RFX4: variants seen among roughly 807,000 people sequenced by gnomAD.
RFX4 encodes the protein transcription factor RFX4.
Under a neutral mutation model 95.0 loss-of-function variants are expected in RFX4, and 10 were observed. The observed-to-expected ratio is 0.11, with a 90% confidence interval of 0.06 to 0.18. RFX4 has a LOEUF of 0.18. RFX4 is among the 10% of genes least tolerant of loss of function. The probability of loss-of-function intolerance (pLI) is 1.00; values close to 1 mark genes in which losing one functional copy is unlikely to be tolerated. For synonymous variants in RFX4, 321 were observed against 340.7 expected (o/e 0.94, Z 0.64); for missense variants, 640 against 922.0 (o/e 0.69, Z 3.96).
intron 3 of RFX4, among the ~76,000 whole-genome samples, chr12:106,640,461 G>A (rs777852848): frequency 1.3e-5 from 2 of 152,194 alleles, no homozygotes; most frequent in Admixed American, 6.5e-5. Context: ...ATTCAGGAAC[G>A]TAACTCAATC....
intron 17 of RFX4, 74 bp from the exon 18 acceptor site, chr12:106,761,122 TA>T: frequency 6.8e-7 from 1 of 1,466,832 alleles, no homozygotes; most frequent in Non-Finnish European, 9.3e-7. Flanking sequence ...ACTTAAACTA[TA>T]AACATGACTG....
At chr12:106,609,421 T>C (rs2039909644) in intron 2 of RFX4, among the ~76,000 whole-genome samples, 1 of 152,228 alleles carries the variant, frequency 6.6e-6, no homozygotes, top group South Asian at 2.1e-4. Flanking sequence ...TTAAGAGCAG[T>C]AGGCTACATG....
intron 2 of RFX4, among the ~76,000 whole-genome samples, chr12:106,632,612 G>A (rs2040437925): frequency 2.0e-5 from 3 of 152,186 alleles, no homozygotes; most frequent in Admixed American, 2.0e-4. Context: ...ATAGCATCCT[G>A]GACCTGCATT....
At chr12:106,626,881 T>C (rs961558755) in intron 2 of RFX4, among the ~76,000 whole-genome samples, 1 of 152,078 alleles carries the variant, frequency 6.6e-6, no homozygotes, top group African/African-American at 2.4e-5. Context: ...AATGACTCCA[T>C]CCTGTATCCT....
At chr12:106,649,879 T>C (rs75042154) in intron 3 of RFX4, among the ~76,000 whole-genome samples, 11,091 of 152,258 alleles carry the variant, frequency 0.073, 576 homozygotes, top group Middle Eastern at 0.18. Context: ...CCTGTCCTCC[T>C]CACATCTGGC....
At chr12:106,616,899 T>TAGA (rs2040084227) in intron 2 of RFX4, among the ~76,000 whole-genome samples, 1 of 151,970 alleles carries the variant, frequency 6.6e-6, no homozygotes, top group Non-Finnish European at 1.5e-5. Context: ...TAGCTGGGAC[T>TAGA]ACAGGTGTGC....
chr12:106,687,197 C>T, intron 6 of RFX4, 100 bp downstream of exon 6: 1 of 706,038 alleles, frequency 1.4e-6, no homozygotes, highest in Non-Finnish European at 2.4e-6. Flanking sequence ...CACACACACA[C>T]ACACACACAC....
At chr12:106,704,408 C>T (rs142897244) in intron 8 of RFX4, among the ~76,000 whole-genome samples, 5 of 152,318 alleles carry the variant, frequency 3.3e-5, no homozygotes, top group African/African-American at 1.2e-4. Context: ...CAAAGTTATT[C>T]AAAACATCAG....
chr12:106,606,483 A>G (rs1282897133), intron 1 of RFX4, among the ~76,000 whole-genome samples: 2 of 152,174 alleles, frequency 1.3e-5, no homozygotes, highest in Non-Finnish European at 2.9e-5. Context: ...ATTCTGGAGA[A>G]TCCTGAAAAG....
intron 16 of RFX4, among the ~76,000 whole-genome samples, chr12:106,749,257 CAAAAAAAAAAA>C (rs1162244017): frequency 2.0e-5 from 1 of 49,254 alleles, no homozygotes; most frequent in Non-Finnish European, 4.6e-5. Context: ...TACTCCAACT[CAAAAAAAAAAA>C]AAAAAAAAAG....
chr12:106,713,671 C>T (rs1416805673), intron 10 of RFX4, among the ~76,000 whole-genome samples: 1 of 152,162 alleles, frequency 6.6e-6, no homozygotes, highest in Non-Finnish European at 1.5e-5. Context: ...CTGCACTATG[C>T]ACTCTGTTTT....
intron 1 of RFX4, among the ~76,000 whole-genome samples, chr12:106,588,818 C>G (rs1014785548): frequency 6.6e-6 from 1 of 152,224 alleles, no homozygotes; most frequent in African/African-American, 2.4e-5. Flanking sequence ...CTCCCAGGCA[C>G]TCCATGAGCG....
At chr12:106,599,282 G>A (rs532286181) in intron 1 of RFX4, among the ~76,000 whole-genome samples, 78 of 151,824 alleles carry the variant, frequency 5.1e-4, no homozygotes, top group Non-Finnish European at 9.7e-4. Flanking sequence ...AAGTGGGAAA[G>A]GGCAGCCACA....
At chr12:106,750,345 C>T (rs2042976356) in intron 16 of RFX4, among the ~76,000 whole-genome samples, 1 of 151,744 alleles carries the variant, frequency 6.6e-6, no homozygotes, top group African/African-American at 2.4e-5. Flanking sequence ...GGCATGGTGG[C>T]ACATGCCTGT....
At chr12:106,694,605 A>G (rs2041843665) in intron 7 of RFX4, among the ~76,000 whole-genome samples, 1 of 152,198 alleles carries the variant, frequency 6.6e-6, no homozygotes, top group Admixed American at 6.5e-5. Context: ...GCTCTATCTC[A>G]GCCATACCCT....
At chr12:106,701,100 G>A (rs574376524) in intron 8 of RFX4, among the ~76,000 whole-genome samples, 1 of 152,284 alleles carries the variant, frequency 6.6e-6, no homozygotes, top group African/African-American at 2.4e-5. Context: ...TGTTTCTGAA[G>A]AGGTCTTTAT....
At chr12:106,735,994 T>C (rs1425780932) in intron 15 of RFX4, among the ~76,000 whole-genome samples, 1 of 152,146 alleles carries the variant, frequency 6.6e-6, no homozygotes, top group Admixed American at 6.6e-5. Flanking sequence ...TGATAATTAA[T>C]TCATTACCTT....
chr12:106,641,967 CTATCTA>C (rs57799769), intron 3 of RFX4, among the ~76,000 whole-genome samples: 9,155 of 134,780 alleles, frequency 0.068, 410 homozygotes, highest in African/African-American at 0.12. Context: ...ATATCTATAT[CTATCTA>C]TATCTATATC....
chr12:106,719,615 A>T (rs1055362965), intron 11 of RFX4, among the ~76,000 whole-genome samples: 9 of 152,142 alleles, frequency 5.9e-5, no homozygotes, highest in Non-Finnish European at 1.3e-4. Flanking sequence ...TGGAAGGTTA[A>T]AGGGATTTCA....
Sources: gnomAD v4.1 joint callset for allele counts (sites outside exome capture counted in the v4.1 genomes callset) on GRCh38, gnomAD v4.1.1 for gene constraint, MANE v1.5 for transcripts, NCBI Gene and HGNC (gene_info 2026-07-23, HGNC 2026-07-21) for gene names.